FAM50A: variants seen among roughly 807,000 people sequenced by gnomAD.
The protein encoded by FAM50A is protein FAM50A.
Under a neutral mutation model 35.5 loss-of-function variants are expected in FAM50A, and 6 were observed. The ratio of observed to expected loss-of-function variants is 0.17; its 90% CI spans 0.09 to 0.33. FAM50A has a LOEUF of 0.33. Among genes scored for constraint, FAM50A ranks in the 10% least tolerant of loss-of-function variants. The probability of loss-of-function intolerance (pLI) is 1.00; values close to 1 mark genes in which losing one functional copy is unlikely to be tolerated. For missense variants in FAM50A, 145 were observed against 295.5 expected (o/e 0.49, Z 3.73); for synonymous variants, 120 against 110.9 (o/e 1.08, Z -0.52).
At position 154,448,768 on chromosome X, in the gene FAM50A, C is replaced by T. The variant is rs372634756; in HGVS notation, c.586+12C>T. 3.3e-5 allele frequency: 40 copies of T among 1,203,239 alleles called. No individual in the cohort carries two copies. The highest frequency in any genetic ancestry group is 4.4e-5 in the Admixed American group (2 of 45,626). On this transcript the variant is annotated intron_variant, in intron 6 of 12. Coordinates refer to ENST00000393600, the MANE Select transcript of FAM50A (RefSeq NM_004699.4). ...GGAGAAGATCAAGAGTGAGTGTTTGCGGAGTCAGACGCGAGGGGCCTGGGC... is the reference window on the plus strand; with the variant it reads ...GGAGAAGATCAAGAGTGAGTGTTTGTGGAGTCAGACGCGAGGGGCCTGGGC...
At position 154,450,418 on chromosome X, in the gene FAM50A, C is replaced by T. The variant is rs782324011; in HGVS notation, c.1012-6C>T. On this transcript the variant is annotated splice_region_variant and splice_polypyrimidine_tract_variant and intron_variant, in intron 12 of 12. Transcript: ENST00000393600. ...GTCTCCTCTGCCCACCTTGTCCTCA[C>T]ACTAGATCCGCTGAGCATCCAGGAG... The T allele has an allele frequency of 9.1e-6, 11 of 1,209,127 alleles. No homozygotes were observed. The highest frequency in any genetic ancestry group is 1.1e-5 in the Non-Finnish European group (10 of 894,714).
chrX:154,445,747 G>A (rs1036307452), intron 2 of FAM50A, 30 bp downstream of exon 2: 1 of 1,190,211 alleles, frequency 8.4e-7, no homozygotes, highest in Non-Finnish European at 1.1e-6. Context: ...CCCTCACCCG[G>A]GCCCCGGGCC....
rs1311988580 is a variant in FAM50A at position 154,444,160 on chromosome X, A to G, written c.-76A>G. 1.3e-5 allele frequency: 4 copies of G among 297,100 alleles called. No homozygotes were observed. The highest frequency in any genetic ancestry group is 9.5e-5 in the Admixed American group (1 of 10,490). 24.5% of individuals were successfully genotyped at this position (297,100 alleles called of 1,213,427 possible). On this transcript the variant is annotated 5_prime_UTR_variant, in exon 1 of 13. Coordinates refer to ENST00000393600, the MANE Select transcript of FAM50A (RefSeq NM_004699.4). ...GGCGTCAGCTGACTGTTCGGCCGCC[A>G]CCGCCGCTGCCGCTGCCGCTGTCGC...
Position 154,450,467 on chromosome X carries a change from C to T in FAM50A, c.*35C>T. 2 of 1,202,293 alleles carry T rather than the reference C, an allele frequency of 1.7e-6. No homozygotes were observed. Among genetic ancestry groups the T allele is most frequent in the Non-Finnish European group, 2.3e-6 (2 of 888,227 alleles). On this transcript the variant is annotated 3_prime_UTR_variant, in exon 13 of 13. Coordinates refer to ENST00000393600, the MANE Select transcript of FAM50A (RefSeq NM_004699.4). ...AGGCTGCGCGGCCCCGGCTCCTCAG[C>T]TCCCTCAGTGTGCCCCGTGGTGTCA...
Position 154,444,267 on chromosome X carries a change from C to A in FAM50A, c.32C>A (p.Ala11Asp). 9.1e-7 allele frequency: 1 copy of A among 1,093,977 alleles called. No homozygotes were observed. Among genetic ancestry groups the A allele is most frequent in the Non-Finnish European group, 1.2e-6 (1 of 834,661 alleles). The allele number at this position is 1,093,977 out of a possible 1,213,427, so 90.2% of individuals were successfully genotyped here. A position where few individuals can be genotyped will look rare whatever the true frequency, so the allele number is the denominator to read the frequency against. Residue 11 changes from alanine (A) to aspartate (D), a missense_variant, in exon 1 of 13, where the codon GCC becomes GAC. By Grantham distance (126) the Ala-to-Asp change is moderately radical. Coordinates refer to ENST00000393600, the MANE Select transcript of FAM50A (RefSeq NM_004699.4). ...CAATACAAGGGCGCCGCGAGCGAGG[C>A]CGGCCGCGCCATGCACCTGATGAAG... MAQYKGAASE[A>D]GRAMHLMKKR...
At chrX:154,449,833 G>A (rs376377815) in intron 9 of FAM50A, 50 bp from the exon 10 acceptor site, 178 of 1,199,130 alleles carry the variant, frequency 1.5e-4, no homozygotes, top group Middle Eastern at 2.3e-4. Flanking sequence ...GGTGTGGGGA[G>A]GGGCCGAGAT....
intron 4 of FAM50A, among the ~76,000 whole-genome samples, chrX:154,447,184 C>T (rs183956923): frequency 4.5e-5 from 5 of 112,279 alleles, no homozygotes; most frequent in Admixed American, 9.4e-5. Flanking sequence ...GAGTTGCATT[C>T]GCCAGAGAGG....
chrX:154,449,407 C>T, intron 8 of FAM50A, 110 bp downstream of exon 8: 1 of 627,112 alleles, frequency 1.6e-6, no homozygotes. Context: ...AAGCAGCGTG[C>T]TGGGCACTCT....
intron 8 of FAM50A, 70 bp downstream of exon 8, chrX:154,449,367 C>G: frequency 2.2e-6 from 2 of 914,193 alleles, no homozygotes; most frequent in Non-Finnish European, 3.2e-6. Context: ...GCCAGACACC[C>G]AGTGTGATGT....
At position 154,444,154 on chromosome X, in the gene FAM50A, G is replaced by GCCGCCA. The variant is rs1239786390; in HGVS notation, c.-76_-71dup. The GCCGCCA allele has an allele frequency of 1.2e-5, 3 of 257,705 alleles. No homozygotes were observed. The highest frequency in any genetic ancestry group is 1.6e-5 in the Non-Finnish European group (3 of 186,130). The allele number at this position is 257,705 out of a possible 1,213,427, so 21.2% of individuals were successfully genotyped here. A position where few individuals can be genotyped will look rare whatever the true frequency, so the allele number is the denominator to read the frequency against. On this transcript the variant is annotated 5_prime_UTR_variant, in exon 1 of 13. Transcript: ENST00000393600. ...GGCGCGGGCGTCAGCTGACTGTTCGGCCGCCACCGCCGCTGCCGCTGCCGC... is the reference window on the plus strand; with the variant it reads ...GGCGCGGGCGTCAGCTGACTGTTCGGCCGCCACCGCCACCGCCGCTGCCGCTGCCGC...
At position 154,450,625 on chromosome X, in the gene FAM50A, G is replaced by A. The variant is rs926560393; in HGVS notation, c.*193G>A. The A allele has an allele frequency of 2.7e-5, 12 of 447,779 alleles. No homozygotes were observed. The highest frequency in any genetic ancestry group is 2.0e-4 in the Admixed American group (5 of 24,970). The allele number at this position is 447,779 out of a possible 1,213,427, so 36.9% of individuals were successfully genotyped here. ...TTCCAATAAAGAAGTGCACGTGTCA[G>A]AGCTGGAGCGCCTGCATTGTGAGAA... On this transcript the variant is annotated 3_prime_UTR_variant, in exon 13 of 13. Transcript: ENST00000393600.
At chrX:154,449,405 T>C in intron 8 of FAM50A, 108 bp downstream of exon 8, 1 of 635,789 alleles carries the variant, frequency 1.6e-6, no homozygotes, top group Admixed American at 2.4e-5. Context: ...GCAAGCAGCG[T>C]GCTGGGCACT....
chrX:154,449,641 G>T (rs372615003), intron 8 of FAM50A, 40 bp from the exon 9 acceptor site: 79 of 1,157,748 alleles, frequency 6.8e-5, no homozygotes, highest in Non-Finnish European at 8.7e-5. Flanking sequence ...GGGCAGGGGT[G>T]CTGTCCTCTT....
chrX:154,449,954 C>G (rs1557200345), intron 10 of FAM50A, 23 bp downstream of exon 10: 2 of 1,210,354 alleles, frequency 1.7e-6, no homozygotes, highest in South Asian at 3.5e-5. Flanking sequence ...GACCCAGCCG[C>G]CCCCATAGCA....
Position 154,448,966 on chromosome X carries a change from G to GCTTC in FAM50A, c.648+13_648+14insTTCC. 8.3e-7 allele frequency: 1 copy of GCTTC among 1,198,985 alleles called. No individual in the cohort carries two copies. On this transcript the variant is annotated intron_variant, in intron 7 of 12. Transcript: ENST00000393600. ...GGCGGACAGTCAAGGTAGGCAGCGT[G>GCTTC]CAGCCTGCTTCCTGCTCACCATGGG...
chrX:154,445,789 C>G (rs370092930), intron 2 of FAM50A, 23 bp from the exon 3 acceptor site: 4 of 1,197,130 alleles, frequency 3.3e-6, no homozygotes, highest in Non-Finnish European at 4.5e-6. Flanking sequence ...CTACCTTGCC[C>G]CTTGTGCCTC....
chrX:154,446,966 G>A (rs1255479844), intron 4 of FAM50A, among the ~76,000 whole-genome samples: 6 of 112,493 alleles, frequency 5.3e-5, no homozygotes, highest in Admixed American at 1.9e-4. Context: ...GGGGAGTGAG[G>A]GTAAAGCCAG....
At chrX:154,445,557 A>G (rs2068779029) in intron 1 of FAM50A, 76 bp from the exon 2 acceptor site, 2 of 806,865 alleles carry the variant, frequency 2.5e-6, no homozygotes, top group Non-Finnish European at 1.9e-6. Flanking sequence ...TTTGGACTAT[A>G]ACGCAGGTCC....
chrX:154,448,773 T>A lies in FAM50A; in HGVS notation c.586+17T>A. 2 of 1,205,294 alleles carry A rather than the reference T, an allele frequency of 1.7e-6. No individual in the cohort carries two copies. Among genetic ancestry groups the A allele is most frequent in the Non-Finnish European group, 2.2e-6 (2 of 891,167 alleles). ...AGATCAAGAGTGAGTGTTTGCGGAG[T>A]CAGACGCGAGGGGCCTGGGCCCAAG... On this transcript the variant is annotated intron_variant, in intron 6 of 12. Transcript: ENST00000393600.
Sources: allele counts gnomAD v4.1 joint callset (sites outside exome capture counted in the v4.1 genomes callset), GRCh38; gene constraint gnomAD v4.1.1; transcripts MANE v1.5; gene names NCBI Gene and HGNC (gene_info 2026-07-23, HGNC 2026-07-21).